Variants in MALRD1 observed in about 807,000 individuals in gnomAD.
MALRD1 encodes the protein MAM and LDL receptor class A domain containing 1, also known as MAM and LDL-receptor class A domain-containing protein 1.
In MALRD1, 247 loss-of-function variants were observed where a neutral mutation model predicts 242.1. The observed-to-expected ratio is 1.02, with a 90% confidence interval of 0.92 to 1.13. MALRD1 has a LOEUF of 1.13. MALRD1 is among the 50% of genes most tolerant of loss of function. The pLI is 0.00. For synonymous variants in MALRD1, 995 were observed against 866.6 expected (o/e 1.15, Z -2.60); for missense variants, 2,989 against 2,533.1 (o/e 1.18, Z -3.86).
intron 7 of MALRD1, among the ~76,000 whole-genome samples, chr10:19,126,520 A>G (rs1247768960): frequency 6.6e-6 from 1 of 151,904 alleles, no homozygotes; most frequent in Non-Finnish European, 1.5e-5. Context: ...GTCTTAATTT[A>G]TTTTTGTTTT....
chr10:19,048,995 C>T lies in MALRD1; in HGVS notation c.57C>T (p.Cys19=), dbSNP rs2131189503. Residue 19 remains cysteine, a synonymous_variant, in exon 1 of 40, where the codon TGC becomes TGT. Coordinates refer to ENST00000454679, the MANE Select transcript of MALRD1 (RefSeq NM_001142308.3). The part of the protein sequence containing the change: ...LAFPMNETFC[C]LWIACVFNST... ...TCCCCATGAATGAAACTTTTTGTTG[C>T]CTTTGGATTGCCTGTGTTTTCAATT... is the stretch of plus-strand genomic sequence containing the variant. The T allele has an allele frequency of 8.1e-7, 1 of 1,233,884 alleles. No homozygotes were observed. Among genetic ancestry groups the T allele is most frequent in the South Asian group, 4.1e-5 (1 of 24,416 alleles). 76.4% of individuals were successfully genotyped at this position (1,233,884 alleles called of 1,614,324 possible). A position where few individuals can be genotyped will look rare whatever the true frequency, so the allele number is the denominator to read the frequency against.
intron 28 of MALRD1, among the ~76,000 whole-genome samples, chr10:19,392,707 C>CA (rs1383599882): frequency 3.9e-5 from 6 of 152,010 alleles, no homozygotes; most frequent in Admixed American, 1.3e-4. Flanking sequence ...ATAAGAGGAT[C>CA]AAAAAAATTG....
intron 29 of MALRD1, among the ~76,000 whole-genome samples, chr10:19,474,753 A>G (rs1475911404): frequency 6.6e-6 from 1 of 152,164 alleles, no homozygotes; most frequent in African/African-American, 2.4e-5. Context: ...AAAAATTAGA[A>G]CTTTCAACAT....
At chr10:19,625,538 G>T (rs907034593) in intron 36 of MALRD1, among the ~76,000 whole-genome samples, 1 of 152,008 alleles carries the variant, frequency 6.6e-6, no homozygotes, top group Non-Finnish European at 1.5e-5. Flanking sequence ...AAAGAGATAT[G>T]ATTCTAAAAA....
chr10:19,533,494 A>G (rs947964259), intron 32 of MALRD1, among the ~76,000 whole-genome samples: 2 of 152,178 alleles, frequency 1.3e-5, no homozygotes, highest in African/African-American at 4.8e-5. Flanking sequence ...TGAGACTGGT[A>G]ATTTATAAAG....
intron 29 of MALRD1, among the ~76,000 whole-genome samples, chr10:19,451,710 G>T (rs1835338210): frequency 1.3e-5 from 2 of 152,120 alleles, no homozygotes; most frequent in South Asian, 2.1e-4. Flanking sequence ...TTTTTTTGTA[G>T]TGTTACAGCA....
rs537974019 is a variant in MALRD1 at position 19,700,322 on chromosome 10, C to T, written c.6314+7768C>T. 3.9e-5 allele frequency among the ~76,000 whole-genome samples: 6 copies of T among 152,190 alleles called. No individual in the cohort carries two copies. In the South Asian group the frequency reaches 1.0e-3, roughly 26 times the overall value. ...TTTCCTTGCTCGAGGCAGCAGCCTT[C>T]TACAAATCTGCAACCTGCCATGAGG... On this transcript the variant is annotated intron_variant, in intron 38 of 39. Transcript: ENST00000454679.
At chr10:19,128,098 C>G in intron 7 of MALRD1, 123 bp from the exon 8 acceptor site, 2 of 597,300 alleles carry the variant, frequency 3.3e-6, no homozygotes. Flanking sequence ...ACGCTCTATC[C>G]TTTTAAGTAA....
chr10:19,674,028 G>T (rs1017051867), intron 36 of MALRD1, among the ~76,000 whole-genome samples: 1 of 152,070 alleles, frequency 6.6e-6, no homozygotes, highest in East Asian at 1.9e-4. Flanking sequence ...AGAGATGATG[G>T]CAGTGGCCTA....
intron 11 of MALRD1, among the ~76,000 whole-genome samples, chr10:19,150,429 CTT>C (rs1428344287): frequency 6.6e-6 from 1 of 152,126 alleles, no homozygotes; most frequent in African/African-American, 2.4e-5. Context: ...AGCTTGCTGT[CTT>C]TTCAAAGCTC....
intron 32 of MALRD1, among the ~76,000 whole-genome samples, chr10:19,564,989 A>G (rs1439659650): frequency 6.6e-6 from 1 of 152,144 alleles, no homozygotes; most frequent in Non-Finnish European, 1.5e-5. Flanking sequence ...GGCTATGAAA[A>G]CACTTGACGT....
chr10:19,109,498 G>T (rs778916652), intron 5 of MALRD1, among the ~76,000 whole-genome samples: 2 of 152,204 alleles, frequency 1.3e-5, no homozygotes, highest in Non-Finnish European at 2.9e-5. Context: ...CATAAGCTTG[G>T]CCACCGGGGT....
intron 18 of MALRD1, among the ~76,000 whole-genome samples, chr10:19,240,372 T>A (rs1838705239): frequency 6.6e-6 from 1 of 152,058 alleles, no homozygotes; most frequent in Non-Finnish European, 1.5e-5. Flanking sequence ...TTATTTCTAG[T>A]AGTTTTTGGT....
At chr10:19,230,399 C>T (rs529645347) in intron 18 of MALRD1, among the ~76,000 whole-genome samples, 168 of 152,160 alleles carry the variant, frequency 1.1e-3, no homozygotes, top group African/African-American at 3.7e-3. Flanking sequence ...GGGGGGGCCT[C>T]AGGAAGCTTC....
chr10:19,215,039 A>G (rs1837248702), intron 18 of MALRD1, among the ~76,000 whole-genome samples: 1 of 152,208 alleles, frequency 6.6e-6, no homozygotes, highest in Non-Finnish European at 1.5e-5. Flanking sequence ...AACTGTTGCC[A>G]TGACCTTTGC....
At chr10:19,219,586 A>C (rs959273883) in intron 18 of MALRD1, among the ~76,000 whole-genome samples, 1 of 152,058 alleles carries the variant, frequency 6.6e-6, no homozygotes, top group Non-Finnish European at 1.5e-5. Context: ...ATAGGCGTGC[A>C]CCACCACACC....
At chr10:19,075,264 G>T (rs374803440) in intron 2 of MALRD1, among the ~76,000 whole-genome samples, 189 of 152,018 alleles carry the variant, frequency 1.2e-3, no homozygotes, top group African/African-American at 4.2e-3. Flanking sequence ...CCTATCCTCT[G>T]GTTATTCAAT....
intron 36 of MALRD1, among the ~76,000 whole-genome samples, chr10:19,633,242 AAGAG>A (rs1215187445): frequency 6.6e-6 from 1 of 152,164 alleles, no homozygotes; most frequent in Non-Finnish European, 1.5e-5. Context: ...AAGAAAAAAA[AAGAG>A]AGACAGAGAG....
intron 24 of MALRD1, among the ~76,000 whole-genome samples, chr10:19,337,095 C>G (rs116231258): frequency 0.024 from 3,673 of 151,824 alleles, 85 homozygotes; most frequent in African/African-American, 0.05. Context: ...ATATATTATA[C>G]ACAAGTAAAC....
Sources: allele counts gnomAD v4.1 joint callset (sites outside exome capture counted in the v4.1 genomes callset), GRCh38; gene constraint gnomAD v4.1.1; transcripts MANE v1.5; gene names NCBI Gene and HGNC (gene_info 2026-07-23, HGNC 2026-07-21).